Variants in MPST observed in about 807,000 individuals in gnomAD.
MPST encodes the protein mercaptopyruvate sulfurtransferase, also known as 3-mercaptopyruvate sulfurtransferase.
A neutral mutation model predicts 28.5 loss-of-function variants in MPST; 27 were observed. The ratio of observed to expected loss-of-function variants is 0.95; its 90% confidence interval spans 0.70 to 1.31. MPST has a LOEUF of 1.31. Ranked by LOEUF, MPST falls within the 50% of genes most tolerant of loss-of-function variation. The probability of loss-of-function intolerance (pLI) is 0.00; values close to 1 mark genes in which losing one functional copy is unlikely to be tolerated. For synonymous variants in MPST, 204 were observed against 209.3 expected, an observed-to-expected ratio of 0.97 and a Z score of 0.22; for missense variants, 492 against 471.1, an observed-to-expected ratio of 1.04 and a Z score of -0.41.
intron 2 of MPST, chr22:37,025,325 T>C: frequency 2.4e-6 from 1 of 423,734 alleles, no homozygotes; most frequent in Non-Finnish European, 4.1e-6. Context: ...CAGGCCCCAG[T>C]ATGAGAGAAA....
intron 2 of MPST, chr22:37,025,155 G>C: frequency 7.4e-7 from 1 of 1,347,564 alleles, no homozygotes; most frequent in Non-Finnish European, 9.7e-7. Flanking sequence ...ACTTCCACTT[G>C]CCTCGGTGAC....
intron 1 of MPST, 44 bp downstream of exon 1, chr22:37,019,916 G>C (rs1377669503): frequency 1.2e-5 from 13 of 1,071,948 alleles, no homozygotes; most frequent in Non-Finnish European, 1.5e-5. Context: ...GAGGGGGAGG[G>C]AGTGGCTCTT....
chr22:37,027,168 G>A (rs1923585532), intron 2 of MPST: 1 of 152,600 alleles, frequency 6.6e-6, no homozygotes, highest in South Asian at 2.1e-4. Context: ...GGTCAGGCTG[G>A]TCTCGAACTC....
At chr22:37,022,485 G>A (rs1354630824) in intron 1 of MPST, among the ~76,000 whole-genome samples, 1 of 152,210 alleles carries the variant, frequency 6.6e-6, no homozygotes, top group Non-Finnish European at 1.5e-5. Flanking sequence ...AAAGCCAGCT[G>A]CGGCCAGACT....
chr22:37,020,874 G>T (rs1923016767), intron 1 of MPST, among the ~76,000 whole-genome samples: 1 of 152,140 alleles, frequency 6.6e-6, no homozygotes, highest in African/African-American at 2.4e-5. Flanking sequence ...GTCCAGGCTG[G>T]TCTTGAACTC....
Position 37,029,291 on chromosome 22 carries a change from A to G in MPST, c.731A>G (p.Lys244Arg), listed in dbSNP as rs146497970. ...TTCCTGAGCCAGGAGGGGCTGGAGA[A>G]GAGCCCTGAGGAGATCCGCCATCTG... ...TDFLSQEGLE[K>R]SPEEIRHLFQ... The change falls in exon 3 of 3, where the codon AAG becomes AGG. Residue 244 changes from lysine to arginine, a missense_variant. Transcript: ENST00000429360. 422 of 1,614,068 alleles carry G rather than the reference A, an allele frequency of 2.6e-4. 2 individuals are homozygous for G. Among genetic ancestry groups the G allele is most frequent in the Non-Finnish European group, 3.5e-4 (408 of 1,180,044 alleles).
chr22:37,026,900 G>A (rs146981793), intron 2 of MPST: 1 of 152,498 alleles, frequency 6.6e-6, no homozygotes. Flanking sequence ...GAATGGCTCA[G>A]ATTTGAATCA....
chr22:37,026,326 G>A (rs1923524302), intron 2 of MPST: 1 of 152,218 alleles, frequency 6.6e-6, no homozygotes, highest in Non-Finnish European at 1.5e-5. Context: ...ATAGGGGCAA[G>A]GAGAGCAAGT....
At chr22:37,024,009 A>C in intron 1 of MPST, 183 bp from the exon 2 acceptor site, 1 of 1,351,710 alleles carries the variant, frequency 7.4e-7, no homozygotes, top group Non-Finnish European at 9.7e-7. Flanking sequence ...GGCCTGGCAG[A>C]GGGAGGCCCC....
chr22:37,022,374 C>G (rs1923138246), intron 1 of MPST, among the ~76,000 whole-genome samples: 1 of 152,228 alleles, frequency 6.6e-6, no homozygotes, highest in Admixed American at 6.5e-5. Context: ...ATTTCACTCT[C>G]TCTTGCCTGC....
chr22:37,026,791 C>T (rs1294352645), intron 2 of MPST: 1 of 152,404 alleles, frequency 6.6e-6, no homozygotes, highest in Non-Finnish European at 1.5e-5. Context: ...GTCTCTATGC[C>T]AGGGTCTGAG....
In MPST at chr22:37,024,724, A is replaced by G. The variant is rs779636918; in HGVS notation, c.569A>G (p.Lys190Arg). The G allele has an allele frequency of 2.5e-6, 4 of 1,600,618 alleles. No individual in the cohort carries two copies. The highest frequency in any genetic ancestry group is 2.2e-5 in the East Asian group (1 of 44,858). Residue 190 changes from lysine (K) to arginine (R), a missense_variant, in exon 2 of 3, where the codon AAG (lysine) becomes AGG (arginine). Coordinates refer to ENST00000429360, the MANE Select transcript of MPST (RefSeq NM_021126.8). ...PAFIKTYEDI[K>R]ENLESRRFQV... is the part of the protein sequence containing the mutation. ...TTCATCAAGACCTACGAGGACATCA[A>G]GGAGAACCTGGAATCCCGGCGCTTC...
At chr22:37,021,970 G>A (rs1299129099) in intron 1 of MPST, among the ~76,000 whole-genome samples, 1 of 152,088 alleles carries the variant, frequency 6.6e-6, no homozygotes, top group East Asian at 1.9e-4. Flanking sequence ...GATTTGGGGG[G>A]CTCTCTGGCT....
intron 1 of MPST, among the ~76,000 whole-genome samples, chr22:37,020,586 G>C (rs1025758561): frequency 1.3e-5 from 2 of 152,164 alleles, no homozygotes; most frequent in Middle Eastern, 3.2e-3. Flanking sequence ...CAAACTGGGG[G>C]ACACCATTGC....
rs1244119611 is a variant in MPST at position 37,029,208 on chromosome 22, T to C, written c.656-8T>C. The C allele has an allele frequency of 1.9e-6, 3 of 1,612,190 alleles. No individual in the cohort carries two copies. Among genetic ancestry groups the C allele is most frequent in the East Asian group, 4.5e-5 (2 of 44,812 alleles). On this transcript the variant is annotated splice_region_variant and splice_polypyrimidine_tract_variant and intron_variant, in intron 2 of 2. Coordinates refer to ENST00000429360, the MANE Select transcript of MPST (RefSeq NM_021126.8). ...ATTTGTCCCCTCCTCCCTGCTCCCC[T>C]GCTGTAGGCATTGAACCTGGCCACA...
Position 37,029,649 on chromosome 22 carries a change from G to T in MPST, c.*135G>T, listed in dbSNP as rs1923772239. On this transcript the variant is annotated 3_prime_UTR_variant, in exon 3 of 3. Coordinates refer to ENST00000429360, the MANE Select transcript of MPST (RefSeq NM_021126.8). The stretch of plus-strand genomic sequence containing the variant: ...TGGCATTTGGGGTGACATCTCAAAG[G>T]CCAGGAATTCCGTTGACTTGTTGGC... 2.1e-6 allele frequency: 2 copies of T among 944,964 alleles called. No homozygotes were observed. The allele number at this position is 944,964 out of a possible 1,614,324, so 58.5% of individuals were successfully genotyped here. A position where few individuals can be genotyped will look rare whatever the true frequency, so the allele number is the denominator to read the frequency against.
At chr22:37,024,838 C>A in intron 2 of MPST, 28 bp downstream of exon 2, 1 of 1,598,078 alleles carries the variant, frequency 6.3e-7, no homozygotes, top group South Asian at 1.1e-5. Context: ...GGCAGGAGGT[C>A]GTCGGGGGCG....
At chr22:37,025,225 C>T in intron 2 of MPST, 4 of 1,141,180 alleles carry the variant, frequency 3.5e-6, no homozygotes, top group Non-Finnish European at 4.5e-6. Flanking sequence ...TGGGCAGTGA[C>T]TCTCCCTAGC....
chr22:37,019,899 C>G, intron 1 of MPST, 27 bp downstream of exon 1: 1 of 1,175,842 alleles, frequency 8.5e-7, no homozygotes, highest in Non-Finnish European at 1.1e-6. Flanking sequence ...GGCGGCTTGC[C>G]TTTCTGGAGG....
Sources: allele counts gnomAD v4.1 joint callset (sites outside exome capture counted in the v4.1 genomes callset), GRCh38; gene constraint gnomAD v4.1.1; transcripts MANE v1.5; gene names NCBI Gene and HGNC (gene_info 2026-07-23, HGNC 2026-07-21).